Variants in SEMA6D observed in about 807,000 individuals in gnomAD.
The protein encoded by SEMA6D is semaphorin-6D.
SEMA6D carries 35 observed loss-of-function variants against 106.6 expected under a neutral mutation model. The observed-to-expected ratio is 0.33, with a 90% CI of 0.25 to 0.44. SEMA6D has a LOEUF of 0.44. Among genes scored for constraint, SEMA6D ranks in the 20% least tolerant of loss-of-function variants. The probability of loss-of-function intolerance (pLI) is 1.00; values close to 1 mark genes in which losing one functional copy is unlikely to be tolerated. For synonymous variants in SEMA6D, 499 were observed against 487.7 expected, an observed-to-expected ratio of 1.02 and a Z score of -0.31; for missense variants, 1,185 against 1,345.9, an observed-to-expected ratio of 0.88 and a Z score of 1.87.
chr15:47,587,297 TCAGA>T, intron 3 of SEMA6D, among the ~76,000 whole-genome samples: 1 of 152,316 alleles, frequency 6.6e-6, no homozygotes, highest in Admixed American at 6.5e-5. Context: ...CTTCTTCCAT[TCAGA>T]CAGTCCCTTG....
At chr15:47,228,618 A>T (rs1394650914) in intron 1 of SEMA6D, among the ~76,000 whole-genome samples, 1 of 152,012 alleles carries the variant, frequency 6.6e-6, no homozygotes, top group Non-Finnish European at 1.5e-5. Flanking sequence ...GCTTTGACAT[A>T]TTTGAGTTTA....
intron 2 of SEMA6D, among the ~76,000 whole-genome samples, chr15:47,447,101 C>T (rs1024718392): frequency 2.6e-5 from 4 of 152,100 alleles, no homozygotes; most frequent in Non-Finnish European, 4.4e-5. Context: ...TTCATGGGCA[C>T]GTGCTCTCCT....
chr15:47,672,969 A>T (rs1244331243), intron 4 of SEMA6D, among the ~76,000 whole-genome samples: 1 of 152,188 alleles, frequency 6.6e-6, no homozygotes, highest in Non-Finnish European at 1.5e-5. Flanking sequence ...TTGCGAGCCA[A>T]CCCCTATAGC....
chr15:47,227,438 T>TTTGTTTCTTTCTTTCTTTCTTTCTTTC (rs374904188), intron 1 of SEMA6D, among the ~76,000 whole-genome samples: 1 of 77,666 alleles, frequency 1.3e-5, no homozygotes, highest in Non-Finnish European at 2.6e-5. Flanking sequence ...TCTTTCTTTC[T>TTTGTTTCTTTCTTTCTTTCTTTCTTTC]TTTCTTTCTT....
intron 4 of SEMA6D, among the ~76,000 whole-genome samples, chr15:47,670,859 T>C (rs551353409): frequency 2.0e-4 from 30 of 152,228 alleles, no homozygotes; most frequent in Non-Finnish European, 3.8e-4. Flanking sequence ...GCAAGAAATA[T>C]TATGCAGTAA....
At chr15:47,687,618 G>A (rs771221311) in intron 4 of SEMA6D, among the ~76,000 whole-genome samples, 16 of 152,112 alleles carry the variant, frequency 1.1e-4, no homozygotes, top group South Asian at 2.1e-4. Flanking sequence ...CAGTTCAAGC[G>A]GGAAAGTAAC....
At chr15:47,210,156 A>G (rs1161650044) in intron 1 of SEMA6D, among the ~76,000 whole-genome samples, 1 of 152,160 alleles carries the variant, frequency 6.6e-6, no homozygotes, top group African/African-American at 2.4e-5. Flanking sequence ...CATTTTCTTA[A>G]AATAAAGGGA....
At chr15:47,595,763 C>T (rs1438480400) in intron 3 of SEMA6D, among the ~76,000 whole-genome samples, 1 of 152,006 alleles carries the variant, frequency 6.6e-6, no homozygotes, top group Non-Finnish European at 1.5e-5. Flanking sequence ...TATTATTCAT[C>T]TTTTTAGATT....
At chr15:47,309,100 A>G (rs1323869546) in intron 1 of SEMA6D, among the ~76,000 whole-genome samples, 1 of 152,216 alleles carries the variant, frequency 6.6e-6, no homozygotes, top group South Asian at 2.1e-4. Flanking sequence ...GTATATCCCA[A>G]TGAACCCACT....
chr15:47,442,901 C>A (rs1193197589), intron 2 of SEMA6D, among the ~76,000 whole-genome samples: 2 of 152,068 alleles, frequency 1.3e-5, no homozygotes, highest in East Asian at 3.9e-4. Flanking sequence ...AATTTCAAAT[C>A]AACTAGAAGT....
intron 1 of SEMA6D, among the ~76,000 whole-genome samples, chr15:47,364,457 A>G (rs530441126): frequency 1.3e-5 from 2 of 152,348 alleles, no homozygotes; most frequent in African/African-American, 4.8e-5. Flanking sequence ...GGCTAGCTCC[A>G]GGGACCTGCT....
At chr15:47,755,341 A>G (rs1033856905) in intron 1 of SEMA6D, among the ~76,000 whole-genome samples, 3 of 152,160 alleles carry the variant, frequency 2.0e-5, no homozygotes, top group African/African-American at 7.2e-5. Context: ...AAAAAAGCAC[A>G]GTTATTTTCA....
At chr15:47,408,365 C>G (rs562701673) in intron 1 of SEMA6D, among the ~76,000 whole-genome samples, 1 of 152,218 alleles carries the variant, frequency 6.6e-6, no homozygotes, top group South Asian at 2.1e-4. Flanking sequence ...CTTATGAAAA[C>G]ATACACAGAA....
At position 47,618,910 on chromosome 15, in the gene SEMA6D, G is replaced by A. The variant is rs141139839; in HGVS notation, c.-55+18014G>A. ...GTGATTAGGCTTTGTGAAATATGTA[G>A]TAGTCAGATATTATAAAAGGAGCTG... On this transcript the variant is annotated intron_variant, in intron 4 of 19. Transcript: ENST00000558014. Among the ~76,000 whole-genome samples, 13 of 149,076 alleles carry A rather than the reference G, an allele frequency of 8.7e-5. No homozygotes were observed. In the East Asian group the frequency reaches 2.5e-3, roughly 29 times the overall value.
chr15:47,373,133 C>T (rs568208849), intron 1 of SEMA6D, among the ~76,000 whole-genome samples: 2 of 152,232 alleles, frequency 1.3e-5, no homozygotes, highest in East Asian at 1.9e-4. Context: ...GGCACAATGA[C>T]AATAATCAAG....
intron 1 of SEMA6D, among the ~76,000 whole-genome samples, chr15:47,188,422 T>C (rs1893718428): frequency 6.6e-6 from 1 of 152,170 alleles, no homozygotes; most frequent in Non-Finnish European, 1.5e-5. Context: ...GAAACATTTG[T>C]GAAATGAGGA....
intron 4 of SEMA6D, among the ~76,000 whole-genome samples, chr15:47,611,183 ACACG>A (rs2076896532): frequency 6.8e-6 from 1 of 146,838 alleles, no homozygotes; most frequent in Non-Finnish European, 1.5e-5. Flanking sequence ...ACACACACAC[ACACG>A]CATGCACACA....
chr15:47,491,035 T>C (rs191736773), intron 3 of SEMA6D, among the ~76,000 whole-genome samples: 216 of 152,210 alleles, frequency 1.4e-3, no homozygotes, highest in African/African-American at 4.9e-3. Flanking sequence ...TTGGAAAGAA[T>C]TTGGGATTAT....
intron 4 of SEMA6D, among the ~76,000 whole-genome samples, chr15:47,690,542 A>G (rs2078563949): frequency 6.6e-6 from 1 of 152,182 alleles, no homozygotes; most frequent in Non-Finnish European, 1.5e-5. Context: ...TCTCATTTGA[A>G]AAATGATTTC....
Sources: allele counts gnomAD v4.1 joint callset (sites outside exome capture counted in the v4.1 genomes callset), GRCh38; gene constraint gnomAD v4.1.1; transcripts MANE v1.5; gene names NCBI Gene and HGNC (gene_info 2026-07-23, HGNC 2026-07-21).